Variants in TEKT3 observed in about 807,000 individuals in gnomAD.
TEKT3 encodes tektin 3.
TEKT3 carries 49 observed loss-of-function variants against 49.8 expected under a neutral mutation model. The ratio of observed to expected loss-of-function variants is 0.98; its 90% confidence interval spans 0.78 to 1.25. The LOEUF (loss-of-function observed/expected upper bound fraction) is 1.25, where lower values mean the gene tolerates loss of function less well. Ranked by LOEUF, TEKT3 falls within the 50% of genes most tolerant of loss-of-function variation. The pLI, the probability that TEKT3 is intolerant of heterozygous loss-of-function variation, is 0.00. For synonymous variants in TEKT3, 225 were observed against 237.2 expected (o/e 0.95, Z 0.47); for missense variants, 595 against 629.5 (o/e 0.95, Z 0.59).
At chr17:15,325,477 G>A (rs1373060416) in intron 4 of TEKT3, among the ~76,000 whole-genome samples, 1 of 151,994 alleles carries the variant, frequency 6.6e-6, no homozygotes, top group Non-Finnish European at 1.5e-5. Flanking sequence ...ACTCTGCCTA[G>A]TCATTAAGAT....
intron 3 of TEKT3, among the ~76,000 whole-genome samples, chr17:15,329,990 T>C (rs1911653036): frequency 6.6e-6 from 1 of 152,140 alleles, no homozygotes; most frequent in Admixed American, 6.5e-5. Context: ...TCGCATAGCC[T>C]GAGGGTTAGA....
intron 3 of TEKT3, among the ~76,000 whole-genome samples, chr17:15,330,256 T>C (rs1911665458): frequency 6.6e-6 from 1 of 152,238 alleles, no homozygotes; most frequent in Admixed American, 6.5e-5. Context: ...TTTAATTTAG[T>C]GACAGCAATG....
At chr17:15,328,174 C>A in intron 3 of TEKT3, 99 bp from the exon 4 acceptor site, 1 of 1,006,404 alleles carries the variant, frequency 9.9e-7, no homozygotes. Context: ...TAGATACTCC[C>A]AATACCAACT....
chr17:15,316,214 T>C (rs1369869265), intron 5 of TEKT3, among the ~76,000 whole-genome samples: 3 of 152,310 alleles, frequency 2.0e-5, no homozygotes, highest in East Asian at 3.9e-4. Flanking sequence ...GGGACCAAGA[T>C]GTCCCACAAG....
At chr17:15,317,537 C>T (rs906647505) in intron 5 of TEKT3, among the ~76,000 whole-genome samples, 1 of 152,150 alleles carries the variant, frequency 6.6e-6, no homozygotes. Flanking sequence ...AGAATCTCAG[C>T]GTACAAACCT....
In TEKT3 at chr17:15,340,025, T is replaced by C. The variant is rs978919246; in HGVS notation, c.-30+3A>G. On this transcript the variant is annotated splice_donor_region_variant and intron_variant, in intron 2 of 8. Coordinates refer to ENST00000395930, the MANE Select transcript of TEKT3 (RefSeq NM_031898.3). Reference sequence around the variant, plus strand: ...ATCCAGTAAAGTTGAAATGGCAAATTACCTGTGACTCAGCAATTCAATTTC... The same window carrying C: ...ATCCAGTAAAGTTGAAATGGCAAATCACCTGTGACTCAGCAATTCAATTTC... 6.6e-6 allele frequency: 1 copy of C among 152,182 alleles called. No individual in the cohort carries two copies. The highest frequency in any genetic ancestry group is 2.4e-5 in the African/African-American group (1 of 41,440). The allele number at this position is 152,182 out of a possible 1,614,324, so 9.4% of individuals were successfully genotyped here.
chr17:15,336,227 G>C (rs1214823351), intron 2 of TEKT3, among the ~76,000 whole-genome samples: 1 of 152,020 alleles, frequency 6.6e-6, no homozygotes, highest in Non-Finnish European at 1.5e-5. Context: ...AATCAGACAG[G>C]AAGGACATAT....
intron 4 of TEKT3, among the ~76,000 whole-genome samples, chr17:15,325,505 A>T (rs1911452469): frequency 6.6e-6 from 1 of 152,160 alleles, no homozygotes; most frequent in South Asian, 2.1e-4. Flanking sequence ...GGGATATTTT[A>T]AAAAGATCAA....
chr17:15,321,256 G>A lies in TEKT3; in HGVS notation c.664-2109C>T, dbSNP rs186167757. On this transcript the variant is annotated intron_variant, in intron 4 of 8. Transcript: ENST00000395930. ...GATCTCCTGACCTTGTGATCCACCC[G>A]CCTCGGCTTCCCAAAGTGCTGAGAT... 6.5e-3 allele frequency among the ~76,000 whole-genome samples: 984 copies of A among 152,098 alleles called. 11 individuals are homozygous for A. Among genetic ancestry groups the A allele is most frequent in the African/African-American group, 0.022 (908 of 41,464 alleles).
At chr17:15,333,722 GTTTATTTTATTTTATTTTATTTTAT>G (rs58481435) in intron 2 of TEKT3, among the ~76,000 whole-genome samples, 8 of 144,236 alleles carry the variant, frequency 5.5e-5, no homozygotes, top group African/African-American at 2.0e-4. Flanking sequence ...CTTGGCTTTG[GTTTATTTTATTTTATTTTATTTTAT>G]TTTATTTTAT....
At chr17:15,318,065 C>T (rs1217237890) in intron 5 of TEKT3, among the ~76,000 whole-genome samples, 2 of 148,396 alleles carry the variant, frequency 1.3e-5, no homozygotes, top group Non-Finnish European at 3.0e-5. Flanking sequence ...TCTCAGCTCA[C>T]TGCAAGCTCC....
rs186831729 is a variant in TEKT3, at chr17:15,318,280, C to T, written c.734+797G>A. Among the ~76,000 whole-genome samples the T allele has an allele frequency of 2.0e-3, 300 of 152,006 alleles. 1 individual carries two copies. The highest frequency in any genetic ancestry group is 3.3e-3 in the Non-Finnish European group (224 of 67,958). On this transcript the variant is annotated intron_variant, in intron 5 of 8. Coordinates refer to ENST00000395930, the MANE Select transcript of TEKT3 (RefSeq NM_031898.3). The stretch of plus-strand genomic sequence containing the variant: ...CTGGGATTACAGGTGTGAGCCACCA[C>T]GCCCGGCCGCCGCAGAGGCCAGATC...
intron 4 of TEKT3, among the ~76,000 whole-genome samples, chr17:15,324,728 C>G (rs1052019456): frequency 6.6e-6 from 1 of 152,082 alleles, no homozygotes; most frequent in Non-Finnish European, 1.5e-5. Context: ...ACATACAACT[C>G]TTTTCACTTT....
intron 2 of TEKT3, among the ~76,000 whole-genome samples, chr17:15,333,761 A>AT (rs1024875056): frequency 1.9e-5 from 2 of 103,074 alleles, no homozygotes; most frequent in Non-Finnish European, 3.8e-5. Flanking sequence ...ATTTTATTTT[A>AT]TTTTATTTTT....
At position 15,331,377 on chromosome 17, in the gene TEKT3, G is replaced by A; in HGVS notation, c.209C>T (p.Thr70Ile). 1 of 1,614,148 alleles carries A rather than the reference G, an allele frequency of 6.2e-7. No homozygotes were observed. Among genetic ancestry groups the A allele is most frequent in the Non-Finnish European group, 8.5e-7 (1 of 1,180,032 alleles). ...ATTCTCGGACACCCTCTGTGATCTG[G>A]TGCAGTACGGGGCCACGCTTGGGGA... ...SNSPSVAPYC[T>I]RSQRVSENTM... Residue 70 changes from threonine to isoleucine, a missense_variant, in exon 3 of 9, where the codon ACC (threonine) becomes ATC (isoleucine). Thr to Ile is a moderately conservative substitution (Grantham distance 89). Coordinates refer to ENST00000395930, the MANE Select transcript of TEKT3 (RefSeq NM_031898.3).
chr17:15,332,527 C>A (rs548664493), intron 2 of TEKT3, among the ~76,000 whole-genome samples: 1 of 152,162 alleles, frequency 6.6e-6, no homozygotes, highest in African/African-American at 2.4e-5. Context: ...CCCCTGCCCC[C>A]ACAAGTCATC....
rs1365977728 is a variant in TEKT3, at chr17:15,327,973, G to A, written c.663+19C>T. The A allele has an allele frequency of 6.2e-7, 1 of 1,606,462 alleles. No homozygotes were observed. The highest frequency in any genetic ancestry group is 2.2e-5 in the East Asian group (1 of 44,828). On this transcript the variant is annotated intron_variant, in intron 4 of 8. Transcript: ENST00000395930. The stretch of plus-strand genomic sequence containing the variant: ...TACAACTAAGCTGCCTGTGACTGAT[G>A]CATTTCCCCCACATTTACCGTCAGC...
At chr17:15,333,262 T>C (rs1911846705) in intron 2 of TEKT3, among the ~76,000 whole-genome samples, 1 of 152,222 alleles carries the variant, frequency 6.6e-6, no homozygotes, top group Non-Finnish European at 1.5e-5. Flanking sequence ...TCCAATTCTA[T>C]GCACTGCTCA....
At chr17:15,343,046 C>T (rs1027148029), upstream of TEKT3, among the ~76,000 whole-genome samples, 7 of 152,182 alleles carry the variant, frequency 4.6e-5, no homozygotes, top group African/African-American at 1.7e-4. Flanking sequence ...CAAATGATGC[C>T]ATGTTTGTTC....
Sources: gnomAD v4.1 joint callset for allele counts (sites outside exome capture counted in the v4.1 genomes callset) on GRCh38, gnomAD v4.1.1 for gene constraint, MANE v1.5 for transcripts, NCBI Gene and HGNC (gene_info 2026-07-23, HGNC 2026-07-21) for gene names.